The following PDE11A variants were observed in gnomAD, a reference collection of about 807,000 sequenced individuals.
The protein encoded by PDE11A is phosphodiesterase 11A.
PDE11A carries 100 observed loss-of-function variants against 100.5 expected under a neutral mutation model. That is an observed-to-expected ratio of 1.00 (90% CI 0.85 to 1.18). The LOEUF (loss-of-function observed/expected upper bound fraction) is 1.18, where lower values mean the gene tolerates loss of function less well. Among genes scored for constraint, PDE11A ranks in the 50% most tolerant of loss-of-function variants. The pLI, the probability that PDE11A is intolerant of heterozygous loss-of-function variation, is 0.00. For synonymous variants in PDE11A, 381 were observed against 420.8 expected (o/e 0.91, Z 1.16); for missense variants, 1,141 against 1,152.6 (o/e 0.99, Z 0.15).
At chr2:177,969,481 G>A (rs1440287192) in intron 2 of PDE11A, among the ~76,000 whole-genome samples, 1 of 152,066 alleles carries the variant, frequency 6.6e-6, no homozygotes, top group African/African-American at 2.4e-5. Flanking sequence ...TAATTTCACT[G>A]TTAATGTTGA....
intron 6 of PDE11A, among the ~76,000 whole-genome samples, chr2:177,826,189 T>C (rs1055267874): frequency 6.6e-5 from 10 of 152,214 alleles, no homozygotes; most frequent in African/African-American, 2.4e-4. Context: ...CTTAAAAATG[T>C]TAACTAGTTT....
chr2:178,006,534 C>T (rs1185324721), intron 2 of PDE11A, among the ~76,000 whole-genome samples: 1 of 152,008 alleles, frequency 6.6e-6, no homozygotes, highest in African/African-American at 2.4e-5. Flanking sequence ...GACACCATGG[C>T]AATATTGCTC....
At chr2:177,875,798 A>C in intron 5 of PDE11A, 61 bp downstream of exon 5, 1 of 1,029,586 alleles carries the variant, frequency 9.7e-7, no homozygotes, top group Non-Finnish European at 1.5e-6. Context: ...AGAATTATGC[A>C]ATGCTGCTAA....
At chr2:177,674,584 A>C (rs1313288863) in intron 17 of PDE11A, among the ~76,000 whole-genome samples, 2 of 152,206 alleles carry the variant, frequency 1.3e-5, no homozygotes, top group Non-Finnish European at 2.9e-5. Flanking sequence ...ATCAGTCTGC[A>C]GCTGAGATGC....
chr2:177,858,037 C>A (rs1311360943), intron 5 of PDE11A, among the ~76,000 whole-genome samples: 3 of 151,968 alleles, frequency 2.0e-5, no homozygotes, highest in Non-Finnish European at 4.4e-5. Flanking sequence ...GGAAAACTGG[C>A]TAGACATATG....
intron 9 of PDE11A, among the ~76,000 whole-genome samples, chr2:177,782,728 G>T (rs1003929563): frequency 6.6e-6 from 1 of 152,034 alleles, no homozygotes; most frequent in African/African-American, 2.4e-5. Flanking sequence ...ATGTGAAGAA[G>T]GTTCTTTCTT....
chr2:177,739,520 G>A (rs561850296), intron 10 of PDE11A, among the ~76,000 whole-genome samples: 1 of 152,262 alleles, frequency 6.6e-6, no homozygotes, highest in Non-Finnish European at 1.5e-5. Flanking sequence ...TGACACATGA[G>A]GCTAGTTACC....
chr2:177,786,446 A>G (rs923113117), intron 9 of PDE11A, among the ~76,000 whole-genome samples: 1 of 152,112 alleles, frequency 6.6e-6, no homozygotes, highest in Non-Finnish European at 1.5e-5. Flanking sequence ...GAAAAAACAG[A>G]GCAGAAAAAC....
chr2:177,709,565 A>C (rs778626936), intron 13 of PDE11A, among the ~76,000 whole-genome samples: 11 of 152,136 alleles, frequency 7.2e-5, no homozygotes, highest in Non-Finnish European at 1.5e-4. Flanking sequence ...TAAGCTGGGA[A>C]TTATGGTTCA....
intron 2 of PDE11A, among the ~76,000 whole-genome samples, chr2:177,940,592 A>G (rs1200806781): frequency 6.6e-6 from 1 of 152,208 alleles, no homozygotes; most frequent in African/African-American, 2.4e-5. Context: ...AATTTCATTT[A>G]GAAAACATAT....
chr2:178,043,151 G>T (rs1216035177), intron 1 of PDE11A, among the ~76,000 whole-genome samples: 1 of 152,118 alleles, frequency 6.6e-6, no homozygotes, highest in Non-Finnish European at 1.5e-5. Context: ...GGTACTGGGT[G>T]CCCATTTGTG....
At chr2:177,840,178 T>G (rs758320890) in intron 6 of PDE11A, 73 bp downstream of exon 6, 13 of 1,472,882 alleles carry the variant, frequency 8.8e-6, no homozygotes, top group Non-Finnish European at 1.2e-5. Context: ...TAAGTATTCC[T>G]TTTTGTGTTT....
Position 178,002,559 on chromosome 2 carries a change from T to C in PDE11A, c.1071+11743A>G, listed in dbSNP as rs192104204. 4.6e-4 allele frequency among the ~76,000 whole-genome samples: 70 copies of C among 152,300 alleles called. No homozygotes were observed. In the East Asian group the frequency reaches 0.012, roughly 26 times the overall value. On this transcript the variant is annotated intron_variant, in intron 2 of 19. Coordinates refer to ENST00000286063, the MANE Select transcript of PDE11A (RefSeq NM_016953.4). ...CAGCTTCCACCAAATTCAAACTCTT[T>C]TGAAGCTATTATAAGGTACCTAGGA...
intron 14 of PDE11A, 99 bp from the exon 15 acceptor site, chr2:177,697,531 A>C: frequency 1.4e-6 from 1 of 704,352 alleles, no homozygotes; most frequent in East Asian, 2.7e-5. Flanking sequence ...AACATTAAAA[A>C]AATCACTTTT....
At chr2:178,018,434 G>C in intron 1 of PDE11A, 1 of 511,452 alleles carries the variant, frequency 2.0e-6, no homozygotes, top group South Asian at 1.4e-5. Flanking sequence ...GGGGGCATCT[G>C]GAAAGCTGTT....
intron 16 of PDE11A, chr2:177,677,976 C>T (rs1460222704): frequency 1.3e-5 from 2 of 152,048 alleles, no homozygotes; most frequent in African/African-American, 2.4e-5. Context: ...TTAAAATGAA[C>T]AAATTTTAAT....
intron 10 of PDE11A, among the ~76,000 whole-genome samples, chr2:177,735,312 G>T (rs73028355): frequency 0.013 from 1,930 of 152,102 alleles, 37 homozygotes; most frequent in African/African-American, 0.044. Context: ...AGGTCATAGA[G>T]AATGTATCAA....
chr2:178,005,129 C>A (rs1334284172), intron 2 of PDE11A, among the ~76,000 whole-genome samples: 4 of 142,668 alleles, frequency 2.8e-5, no homozygotes, highest in African/African-American at 1.1e-4. Flanking sequence ...TCCAGGTGTT[C>A]ACAGTTTACA....
chr2:177,848,274 C>T (rs566129666), intron 5 of PDE11A, among the ~76,000 whole-genome samples: 1 of 152,084 alleles, frequency 6.6e-6, no homozygotes, highest in South Asian at 2.1e-4. Context: ...AAAAAAACAG[C>T]AGACAGTAAA....
Sources: gnomAD v4.1 joint callset for allele counts (sites outside exome capture counted in the v4.1 genomes callset) on GRCh38, gnomAD v4.1.1 for gene constraint, MANE v1.5 for transcripts, NCBI Gene and HGNC (gene_info 2026-07-23, HGNC 2026-07-21) for gene names.